The following MTMR7 variants were observed in gnomAD, a reference collection of about 807,000 sequenced individuals.
The protein encoded by MTMR7 is myotubularin related protein 7, also known as phosphatidylinositol-3-phosphate phosphatase MTMR7.
Under a neutral mutation model 81.2 loss-of-function variants are expected in MTMR7, and 76 were observed. That is an observed-to-expected ratio of 0.94 (90% CI 0.78 to 1.13). The LOEUF is 1.13. Among genes scored for constraint, MTMR7 ranks in the 50% most tolerant of loss-of-function variants. The pLI is 0.00. For synonymous variants in MTMR7, 372 were observed against 289.8 expected, an observed-to-expected ratio of 1.28 and a Z score of -2.88; for missense variants, 1,044 against 820.0, an observed-to-expected ratio of 1.27 and a Z score of -3.34.
chr8:17,400,170 G>A (rs1821384575), intron 1 of MTMR7, among the ~76,000 whole-genome samples: 1 of 152,062 alleles, frequency 6.6e-6, no homozygotes, highest in Non-Finnish European at 1.5e-5. Flanking sequence ...TATAACAAGA[G>A]CAATACAACA....
chr8:17,381,684 A>T (rs902887741), intron 1 of MTMR7, among the ~76,000 whole-genome samples: 16 of 152,202 alleles, frequency 1.1e-4, no homozygotes, highest in African/African-American at 2.9e-4. Flanking sequence ...ACTGTCAGTC[A>T]TCTGGGGGAA....
At position 17,309,305 on chromosome 8, in the gene MTMR7, T is replaced by G. The variant is rs780879877; in HGVS notation, c.1123A>C (p.Ile375Leu). The change falls in exon 10 of 14, where the codon ATT (isoleucine) becomes CTT (leucine). Residue 375 changes from isoleucine to leucine, a missense_variant. By Grantham distance (5) the Ile-to-Leu change is conservative. Coordinates refer to ENST00000180173, the MANE Select transcript of MTMR7 (RefSeq NM_004686.5). The stretch of plus-strand genomic sequence containing the variant: ...TGATTAAACTTATGACCAAAGGAAA[T>G]CCAGTCCTTTTCAATTAATACCTAC... ...GFMVLIEKDW[I>L]SFGHKFNHRY... 6.4e-7 allele frequency: 1 copy of G among 1,568,192 alleles called. No individual in the cohort carries two copies. The highest frequency in any genetic ancestry group is 8.8e-7 in the Non-Finnish European group (1 of 1,139,046).
intron 10 of MTMR7, among the ~76,000 whole-genome samples, chr8:17,307,278 T>C (rs1817515218): frequency 6.6e-6 from 1 of 152,094 alleles, no homozygotes; most frequent in Non-Finnish European, 1.5e-5. Flanking sequence ...AAAAGACACA[T>C]GAAAAAATGC....
chr8:17,378,597 A>T (rs1266031241), intron 1 of MTMR7, among the ~76,000 whole-genome samples: 1 of 152,220 alleles, frequency 6.6e-6, no homozygotes, highest in African/African-American at 2.4e-5. Flanking sequence ...AATTGTTGCA[A>T]CTCATTTGCC....
At position 17,298,967 on chromosome 8, in the gene MTMR7, T is replaced by C. The variant is rs1447327251; in HGVS notation, c.*895A>G. 2 of 152,218 alleles carry C rather than the reference T, an allele frequency of 1.3e-5. No homozygotes were observed. Among genetic ancestry groups the C allele is most frequent in the African/African-American group, 4.8e-5 (2 of 41,470 alleles). 9.4% of individuals were successfully genotyped at this position (152,218 alleles called of 1,614,324 possible). ...AAACAGACATGACAACCCAATTCTCTGGTTCTTGAAACTGGATTTTCACTC... is the reference window on the plus strand; with the variant it reads ...AAACAGACATGACAACCCAATTCTCCGGTTCTTGAAACTGGATTTTCACTC... On this transcript the variant is annotated 3_prime_UTR_variant, in exon 14 of 14. Transcript: ENST00000180173.
At chr8:17,311,440 T>G (rs1485645775) in intron 9 of MTMR7, 71 bp downstream of exon 9, 1 of 1,597,946 alleles carries the variant, frequency 6.3e-7, no homozygotes, top group Non-Finnish European at 8.5e-7. Context: ...CAGTTGCCAG[T>G]AGTTGTAAAA....
chr8:17,372,337 T>G (rs1389684336), intron 2 of MTMR7, among the ~76,000 whole-genome samples: 1 of 152,116 alleles, frequency 6.6e-6, no homozygotes, highest in East Asian at 1.9e-4. Flanking sequence ...TCCCAGTACT[T>G]TGGAAGGCCA....
At chr8:17,353,231 A>C (rs1378712904) in intron 4 of MTMR7, among the ~76,000 whole-genome samples, 1 of 152,200 alleles carries the variant, frequency 6.6e-6, no homozygotes, top group Non-Finnish European at 1.5e-5. Context: ...GAGGTATCTA[A>C]AGTAGTCAAA....
intron 3 of MTMR7, among the ~76,000 whole-genome samples, chr8:17,364,703 T>A (rs190245416): frequency 6.6e-6 from 1 of 152,234 alleles, no homozygotes; most frequent in Non-Finnish European, 1.5e-5. Context: ...TCACTCAGCA[T>A]AATGCTCTCT....
chr8:17,378,406 T>C (rs1820655152), intron 1 of MTMR7, among the ~76,000 whole-genome samples: 1 of 152,182 alleles, frequency 6.6e-6, no homozygotes, highest in Non-Finnish European at 1.5e-5. Flanking sequence ...TAAAATGAAA[T>C]AAATTTCAGA....
intron 5 of MTMR7, among the ~76,000 whole-genome samples, chr8:17,345,068 T>C (rs1390546059): frequency 1.3e-5 from 2 of 152,232 alleles, no homozygotes; most frequent in African/African-American, 4.8e-5. Flanking sequence ...TAAGCATCTC[T>C]AACCATGATC....
chr8:17,383,211 T>C (rs774499165), intron 1 of MTMR7, among the ~76,000 whole-genome samples: 2 of 152,134 alleles, frequency 1.3e-5, no homozygotes, highest in South Asian at 4.2e-4. Flanking sequence ...TAAGTGCTGA[T>C]GCCAAATCCA....
chr8:17,391,423 T>C (rs541462056), intron 1 of MTMR7, among the ~76,000 whole-genome samples: 5 of 152,320 alleles, frequency 3.3e-5, no homozygotes, highest in African/African-American at 1.2e-4. Flanking sequence ...ACAAATTCTT[T>C]ACTACACGGT....
At chr8:17,351,896 G>C (rs757429859) in intron 4 of MTMR7, among the ~76,000 whole-genome samples, 1 of 152,160 alleles carries the variant, frequency 6.6e-6, no homozygotes. Context: ...CTCTCAAGTG[G>C]AAATTAAAAT....
chr8:17,300,432 C>G (rs1817040063), intron 13 of MTMR7: 2 of 580,816 alleles, frequency 3.4e-6, no homozygotes, highest in African/African-American at 3.7e-5. Flanking sequence ...TAATACCTGC[C>G]TTGACATAGG....
intron 12 of MTMR7, among the ~76,000 whole-genome samples, chr8:17,303,700 C>G (rs1026783609): frequency 2.5e-4 from 38 of 151,914 alleles, no homozygotes; most frequent in African/African-American, 9.2e-4. Flanking sequence ...ACCTCCTCCT[C>G]CCTGGTTCAA....
intron 1 of MTMR7, among the ~76,000 whole-genome samples, chr8:17,399,789 T>C (rs1391464735): frequency 6.6e-6 from 1 of 151,988 alleles, no homozygotes; most frequent in Non-Finnish European, 1.5e-5. Context: ...TAGTCGAGAT[T>C]TGGAAGCAAA....
chr8:17,301,032 AC>A (rs1817075999), intron 13 of MTMR7, among the ~76,000 whole-genome samples: 1 of 152,242 alleles, frequency 6.6e-6, no homozygotes, highest in Non-Finnish European at 1.5e-5. Context: ...TGTTATGGAC[AC>A]CTGGGTTGTT....
At chr8:17,409,621 C>T (rs940865587) in intron 1 of MTMR7, among the ~76,000 whole-genome samples, 2 of 152,148 alleles carry the variant, frequency 1.3e-5, no homozygotes, top group Non-Finnish European at 2.9e-5. Flanking sequence ...CATTACAGGA[C>T]TTCCATCAAG....
Sources: gnomAD v4.1 joint callset for allele counts (sites outside exome capture counted in the v4.1 genomes callset) on GRCh38, gnomAD v4.1.1 for gene constraint, MANE v1.5 for transcripts, NCBI Gene and HGNC (gene_info 2026-07-23, HGNC 2026-07-21) for gene names.